Variants in GRIK3 observed in about 807,000 individuals in gnomAD.
The protein encoded by GRIK3 is glutamate ionotropic receptor kainate type subunit 3, also known as glutamate receptor ionotropic, kainate 3.
GRIK3 carries 29 observed loss-of-function variants against 102.5 expected under a neutral mutation model. The observed-to-expected ratio is 0.28, with a 90% CI of 0.21 to 0.39. GRIK3 has a LOEUF of 0.39. Among genes scored for constraint, GRIK3 ranks in the 10% least tolerant of loss-of-function variants. GRIK3 has a pLI of 1.00. For synonymous variants in GRIK3, 511 were observed against 504.9 expected (o/e 1.01, Z -0.16); for missense variants, 908 against 1,252.4 (o/e 0.73, Z 4.15).
At chr1:36,884,849 C>T (rs1641020535) in intron 2 of GRIK3, among the ~76,000 whole-genome samples, 1 of 152,228 alleles carries the variant, frequency 6.6e-6, no homozygotes, top group Admixed American at 6.5e-5. Flanking sequence ...CAGTCAGGTC[C>T]AGGCTTCCCT....
At chr1:36,970,218 G>C (rs1481299515) in intron 1 of GRIK3, among the ~76,000 whole-genome samples, 1 of 152,138 alleles carries the variant, frequency 6.6e-6, no homozygotes, top group African/African-American at 2.4e-5. Context: ...ACCACTCTCT[G>C]CTACGAGCTG....
At chr1:36,854,935 C>T (rs965642472) in intron 7 of GRIK3, among the ~76,000 whole-genome samples, 1 of 152,196 alleles carries the variant, frequency 6.6e-6, no homozygotes, top group Non-Finnish European at 1.5e-5. Flanking sequence ...CAGAGCCAAA[C>T]TAGAACCCGT....
intron 15 of GRIK3, among the ~76,000 whole-genome samples, chr1:36,802,429 C>T (rs563486127): frequency 5.9e-5 from 9 of 152,282 alleles, no homozygotes; most frequent in South Asian, 2.1e-4. Flanking sequence ...CGAGCCCTGA[C>T]CAAAGCACTA....
intron 1 of GRIK3, among the ~76,000 whole-genome samples, chr1:36,969,249 G>A (rs1393364231): frequency 1.3e-5 from 2 of 152,194 alleles, no homozygotes; most frequent in Non-Finnish European, 2.9e-5. Context: ...ACAACTCAGG[G>A]AGGTCACACC....
At chr1:36,971,507 G>A (rs567033207) in intron 1 of GRIK3, among the ~76,000 whole-genome samples, 1 of 152,256 alleles carries the variant, frequency 6.6e-6, no homozygotes, top group South Asian at 2.1e-4. Flanking sequence ...TTAGAGTTGG[G>A]CCTCTAAAAT....
intron 10 of GRIK3, among the ~76,000 whole-genome samples, chr1:36,835,952 A>C (rs1640372940): frequency 6.6e-6 from 1 of 152,072 alleles, no homozygotes; most frequent in Non-Finnish European, 1.5e-5. Flanking sequence ...CAGACCCTGG[A>C]GACATCCCGA....
At chr1:36,956,860 T>A (rs1641917799) in intron 1 of GRIK3, among the ~76,000 whole-genome samples, 1 of 152,274 alleles carries the variant, frequency 6.6e-6, no homozygotes, top group Non-Finnish European at 1.5e-5. Flanking sequence ...AAACATTTTT[T>A]AAAAAGCTTT....
At position 37,034,135 on chromosome 1, in the gene GRIK3, G is replaced by A; in HGVS notation, c.-27C>T. The A allele has an allele frequency of 1.5e-6, 2 of 1,323,714 alleles. No homozygotes were observed. The highest frequency in any genetic ancestry group is 2.1e-6 in the Non-Finnish European group (2 of 961,296). The allele number at this position is 1,323,714 out of a possible 1,614,324, so 82.0% of individuals were successfully genotyped here. A position where few individuals can be genotyped will look rare whatever the true frequency, so the allele number is the denominator to read the frequency against. ...GTTGGGCGCCGCCGAGCGTGCCCGG[G>A]GCGCGGCCGTGGCGGGCTCCCTGGG... is the stretch of plus-strand genomic sequence containing the variant. On this transcript the variant is annotated 5_prime_UTR_variant, in exon 1 of 16. Coordinates refer to ENST00000373091, the MANE Select transcript of GRIK3 (RefSeq NM_000831.4).
chr1:36,957,996 CCT>C (rs1198631533), intron 1 of GRIK3, among the ~76,000 whole-genome samples: 1 of 103,820 alleles, frequency 9.6e-6, no homozygotes, highest in Non-Finnish European at 1.9e-5. Flanking sequence ...CTCTGTGCCC[CCT>C]GAGTCTGTGT....
chr1:36,798,455 C>T lies in GRIK3; in HGVS notation c.*3396G>A. 1 of 152,410 alleles carries T rather than the reference C, an allele frequency of 6.6e-6. No homozygotes were observed. Among genetic ancestry groups the T allele is most frequent in the East Asian group, 1.9e-4 (1 of 5,184 alleles). The allele number at this position is 152,410 out of a possible 1,614,324, so 9.4% of individuals were successfully genotyped here. On this transcript the variant is annotated 3_prime_UTR_variant, in exon 16 of 16. Coordinates refer to ENST00000373091, the MANE Select transcript of GRIK3 (RefSeq NM_000831.4). ...ACCTCTCAGTGCCTGCGTGTGTGCA[C>T]ACACACTACACATGCATACACACAC...
Position 36,872,162 on chromosome 1 carries a change from T to C in GRIK3, c.732+26A>G, listed in dbSNP as rs1405586507. ...AAGTGGCCAGCAGACCCCAGTCATC[T>C]GTCCCGGTGGCCAGCACTCACGCAC... On this transcript the variant is annotated intron_variant, in intron 4 of 15. Transcript: ENST00000373091. This position sits in a 1 kb window ranked among gnomAD's most constrained non-coding sequence, Gnocchi z 5.9. 8 of 1,540,060 alleles carry C rather than the reference T, an allele frequency of 5.2e-6. No homozygotes were observed. The highest frequency in any genetic ancestry group is 6.1e-6 in the Non-Finnish European group (7 of 1,138,222).
At chr1:36,980,909 T>C (rs544072145) in intron 1 of GRIK3, among the ~76,000 whole-genome samples, 5 of 152,152 alleles carry the variant, frequency 3.3e-5, no homozygotes, top group Non-Finnish European at 7.4e-5. Context: ...GCTCCCAGTA[T>C]CTGTCCATCC....
chr1:36,927,168 C>A (rs1641536060), intron 1 of GRIK3, among the ~76,000 whole-genome samples: 1 of 152,324 alleles, frequency 6.6e-6, no homozygotes, highest in Admixed American at 6.5e-5. Flanking sequence ...GAGACAGAGA[C>A]CCTCGTTCAA....
intron 1 of GRIK3, among the ~76,000 whole-genome samples, chr1:36,963,910 A>C (rs1198481226): frequency 6.6e-6 from 1 of 152,194 alleles, no homozygotes; most frequent in Non-Finnish European, 1.5e-5. Flanking sequence ...GATTGTTTCC[A>C]TTTGTCCATC....
chr1:36,917,539 G>A (rs976627251), intron 1 of GRIK3, among the ~76,000 whole-genome samples: 2 of 152,164 alleles, frequency 1.3e-5, no homozygotes, highest in African/African-American at 4.8e-5. Flanking sequence ...AATCATGGGG[G>A]CAGGTATTTC....
At chr1:36,982,613 C>A (rs1642261560) in intron 1 of GRIK3, among the ~76,000 whole-genome samples, 2 of 152,178 alleles carry the variant, frequency 1.3e-5, no homozygotes, top group African/African-American at 4.8e-5. Context: ...CATGGGTCTG[C>A]AGGGAAGGGG....
chr1:36,988,641 C>T (rs1642331536), intron 1 of GRIK3, among the ~76,000 whole-genome samples: 1 of 152,184 alleles, frequency 6.6e-6, no homozygotes, highest in Non-Finnish European at 1.5e-5. Flanking sequence ...ACAGAAAACG[C>T]CAAGATTCTT....
chr1:36,867,630 G>A (rs1020268951), intron 5 of GRIK3, among the ~76,000 whole-genome samples: 1 of 152,022 alleles, frequency 6.6e-6, no homozygotes, highest in Admixed American at 6.6e-5. Context: ...GGGGTGTACA[G>A]AGATGGATCC....
chr1:36,932,352 C>T (rs544824716), intron 1 of GRIK3, among the ~76,000 whole-genome samples: 99 of 152,286 alleles, frequency 6.5e-4, no homozygotes, highest in East Asian at 3.9e-4. Flanking sequence ...CCCAAGCATG[C>T]GACAGCCACA....
Sources: allele counts gnomAD v4.1 joint callset (sites outside exome capture counted in the v4.1 genomes callset), GRCh38; gene constraint gnomAD v4.1.1; non-coding constraint Gnocchi (gnomAD v3.1); transcripts MANE v1.5; gene names NCBI Gene and HGNC (gene_info 2026-07-23, HGNC 2026-07-21).